MTA3: variants seen among roughly 807,000 people sequenced by gnomAD.
The protein encoded by MTA3 is metastasis-associated protein MTA3.
A neutral mutation model predicts 83.5 loss-of-function variants in MTA3; 34 were observed. The observed-to-expected ratio is 0.41, with a 90% CI of 0.31 to 0.54. MTA3 has a LOEUF of 0.54. MTA3 is among the 20% of genes least tolerant of loss of function. The pLI is 0.33. For synonymous variants in MTA3, 303 were observed against 252.7 expected (o/e 1.20, Z -1.89); for missense variants, 761 against 726.4 (o/e 1.05, Z -0.55).
intron 4 of MTA3, among the ~76,000 whole-genome samples, chr2:42,612,150 T>C (rs1380151798): frequency 6.6e-6 from 1 of 151,900 alleles, no homozygotes; most frequent in Non-Finnish European, 1.5e-5. Context: ...TTCAAAGAGA[T>C]GGAACATAAA....
chr2:42,556,003 T>C (rs1677370599), intron 2 of MTA3, among the ~76,000 whole-genome samples: 1 of 149,744 alleles, frequency 6.7e-6, no homozygotes, highest in African/African-American at 2.5e-5. Flanking sequence ...ACCCAGGAGA[T>C]GGAAGTTGCA....
intron 6 of MTA3, among the ~76,000 whole-genome samples, chr2:42,652,127 G>C (rs1018498287): frequency 1.3e-5 from 2 of 152,026 alleles, no homozygotes; most frequent in Non-Finnish European, 2.9e-5. Flanking sequence ...TAGTGACACA[G>C]GTTACAGGAG....
chr2:42,595,616 TCTC>T (rs1357849695), intron 3 of MTA3, among the ~76,000 whole-genome samples: 1 of 152,180 alleles, frequency 6.6e-6, no homozygotes, highest in Non-Finnish European at 1.5e-5. Context: ...CGTGACTTCT[TCTC>T]CTATTAGAAC....
chr2:42,638,097 T>C (rs570955145), intron 4 of MTA3, among the ~76,000 whole-genome samples: 193 of 152,300 alleles, frequency 1.3e-3, no homozygotes, highest in Non-Finnish European at 2.4e-3. Context: ...CTCCTCCCCA[T>C]TAAAACAAGC....
chr2:42,575,665 CT>C (rs1353577859), intron 2 of MTA3, among the ~76,000 whole-genome samples: 3 of 152,180 alleles, frequency 2.0e-5, no homozygotes, highest in African/African-American at 7.2e-5. Context: ...GCATGGTGCT[CT>C]GGAAACCTAA....
Position 42,579,110 on chromosome 2 carries a change from G to T in MTA3, c.100G>T (p.Ala34Ser), listed in dbSNP as rs1324722212. Residue 34 changes from alanine to serine, a missense_variant, in exon 3 of 17, where the codon GCA (alanine) becomes TCA (serine). Transcript: ENST00000405094. Reference sequence around the variant, plus strand: ...TTTTATTTTTCTTATCTCTTAGACTGCAAGTGGCAACGTGGAAGCAAAAGT... The same window carrying T: ...TTTTATTTTTCTTATCTCTTAGACTTCAAGTGGCAACGTGGAAGCAAAAGT... Reference protein sequence around the residue: ...IRRIEELNKTASGNVEAKVVC... With the variant: ...IRRIEELNKTSSGNVEAKVVC... The T allele has an allele frequency of 6.2e-7, 1 of 1,600,304 alleles. No individual in the cohort carries two copies. The highest frequency in any genetic ancestry group is 8.5e-7 in the Non-Finnish European group (1 of 1,173,434).
intron 3 of MTA3, among the ~76,000 whole-genome samples, chr2:42,579,893 T>C (rs1679429489): frequency 6.6e-6 from 1 of 152,114 alleles, no homozygotes; most frequent in African/African-American, 2.4e-5. Context: ...AAATTTATAC[T>C]TCACTGTTTC....
chr2:42,704,140 T>C, intron 11 of MTA3, 54 bp from the exon 12 acceptor site: 1 of 1,567,194 alleles, frequency 6.4e-7, no homozygotes, highest in Non-Finnish European at 8.7e-7. Context: ...GATATAGAGC[T>C]TTTTGCCTTA....
chr2:42,534,880 C>T (rs1676146773), intron 2 of MTA3, among the ~76,000 whole-genome samples: 2 of 152,006 alleles, frequency 1.3e-5, no homozygotes, highest in Non-Finnish European at 2.9e-5. Context: ...GCCTTGGCCT[C>T]CCAAAGTGCT....
intron 2 of MTA3, among the ~76,000 whole-genome samples, chr2:42,495,431 GTATC>G (rs1372768826): frequency 6.6e-6 from 1 of 152,020 alleles, no homozygotes; most frequent in Non-Finnish European, 1.5e-5. Context: ...TTGCTATTCA[GTATC>G]TATTTTGCTA....
intron 16 of MTA3, among the ~76,000 whole-genome samples, chr2:42,750,084 T>C (rs938612380): frequency 1.3e-5 from 2 of 152,058 alleles, no homozygotes; most frequent in Admixed American, 1.3e-4. Flanking sequence ...CTCCGCCTCC[T>C]GGGTTCAAGC....
intron 3 of MTA3, among the ~76,000 whole-genome samples, chr2:42,608,436 C>A (rs1363274254): frequency 6.6e-6 from 1 of 152,150 alleles, no homozygotes; most frequent in Non-Finnish European, 1.5e-5. Flanking sequence ...TTGCTTTGAG[C>A]TAGGTGCATC....
At chr2:42,688,319 A>G (rs1369595053) in intron 9 of MTA3, among the ~76,000 whole-genome samples, 2 of 152,146 alleles carry the variant, frequency 1.3e-5, no homozygotes, top group Non-Finnish European at 2.9e-5. Context: ...CCTGGGCTCA[A>G]ATGATGCTCT....
chr2:42,675,469 A>G (rs147696114), intron 8 of MTA3, among the ~76,000 whole-genome samples: 50 of 152,324 alleles, frequency 3.3e-4, no homozygotes, highest in Middle Eastern at 3.4e-3. Context: ...ATTGAGGTAT[A>G]CATATGGTAA....
At chr2:42,651,820 G>A (rs1244782806) in intron 6 of MTA3, among the ~76,000 whole-genome samples, 1 of 151,888 alleles carries the variant, frequency 6.6e-6, no homozygotes, top group African/African-American at 2.4e-5. Context: ...AAGAGGCTGG[G>A]CATGGTGGCT....
At chr2:42,570,880 G>A (rs1678398649) in intron 2 of MTA3, among the ~76,000 whole-genome samples, 1 of 151,902 alleles carries the variant, frequency 6.6e-6, no homozygotes. Context: ...GGGCATGGTG[G>A]CACATGCCTG....
At chr2:42,521,180 A>G (rs754651428) in intron 2 of MTA3, among the ~76,000 whole-genome samples, 23 of 152,168 alleles carry the variant, frequency 1.5e-4, no homozygotes, top group Non-Finnish European at 2.2e-4. Flanking sequence ...TTTCTTGGAC[A>G]TATCTGTTGC....
At chr2:42,588,460 CAG>C (rs1245715396) in intron 3 of MTA3, among the ~76,000 whole-genome samples, 2 of 152,150 alleles carry the variant, frequency 1.3e-5, no homozygotes. Context: ...AAGCATATAG[CAG>C]TCATTGACAA....
At chr2:42,555,811 C>A (rs1328427839) in intron 2 of MTA3, among the ~76,000 whole-genome samples, 1 of 151,548 alleles carries the variant, frequency 6.6e-6, no homozygotes, top group Non-Finnish European at 1.5e-5. Context: ...GTGGCTCACG[C>A]CTGTAATCCC....
Sources: gnomAD v4.1 joint callset for allele counts (sites outside exome capture counted in the v4.1 genomes callset) on GRCh38, gnomAD v4.1.1 for gene constraint, MANE v1.5 for transcripts, NCBI Gene and HGNC (gene_info 2026-07-23, HGNC 2026-07-21) for gene names.